Variants in SIPA1L3 observed in about 807,000 individuals in gnomAD.
SIPA1L3 encodes the protein signal-induced proliferation-associated 1-like protein 3.
A neutral mutation model predicts 150.1 loss-of-function variants in SIPA1L3; 59 were observed. The ratio of observed to expected loss-of-function variants is 0.39; its 90% CI spans 0.32 to 0.49. The LOEUF is 0.49. Among genes scored for constraint, SIPA1L3 ranks in the 20% least tolerant of loss-of-function variants. The pLI is 0.86. For missense variants in SIPA1L3, 2,211 were observed against 2,489.5 expected, an observed-to-expected ratio of 0.89 and a Z score of 2.38; for synonymous variants, 1,070 against 1,077.6, an observed-to-expected ratio of 0.99 and a Z score of 0.14.
chr19:38,085,964 C>T (rs935228047), intron 3 of SIPA1L3, among the ~76,000 whole-genome samples: 1 of 152,102 alleles, frequency 6.6e-6, no homozygotes, highest in African/African-American at 2.4e-5. Context: ...CCATCACAAT[C>T]CAGCCTGGGC....
intron 1 of SIPA1L3, among the ~76,000 whole-genome samples, chr19:37,936,711 A>G (rs1322869892): frequency 6.6e-6 from 1 of 152,232 alleles, no homozygotes; most frequent in Non-Finnish European, 1.5e-5. Flanking sequence ...TGACAAGGGC[A>G]TGGTGGAGTT....
chr19:37,936,980 G>A (rs1381497218), intron 1 of SIPA1L3, among the ~76,000 whole-genome samples: 1 of 152,086 alleles, frequency 6.6e-6, no homozygotes, highest in Non-Finnish European at 1.5e-5. Context: ...TCTTTTGAGA[G>A]TCTGGGTCTC....
intron 2 of SIPA1L3, among the ~76,000 whole-genome samples, chr19:38,048,356 T>C (rs1297151113): frequency 6.6e-6 from 1 of 152,188 alleles, no homozygotes; most frequent in Non-Finnish European, 1.5e-5. Context: ...AAGGCCTCTG[T>C]ATGCCTCTTG....
At chr19:38,163,857 G>A (rs2145983329) in intron 14 of SIPA1L3, among the ~76,000 whole-genome samples, 1 of 152,320 alleles carries the variant, frequency 6.6e-6, no homozygotes, top group Middle Eastern at 3.4e-3. Flanking sequence ...CACAGGTGGG[G>A]GTCATCATCT....
chr19:38,016,756 G>T (rs542785733), intron 1 of SIPA1L3, among the ~76,000 whole-genome samples: 1 of 151,964 alleles, frequency 6.6e-6, no homozygotes, highest in South Asian at 2.1e-4. Context: ...TCCTCCCAAA[G>T]TGCTGGGAAT....
intron 1 of SIPA1L3, among the ~76,000 whole-genome samples, chr19:37,945,226 T>A (rs1287920530): frequency 1.3e-5 from 2 of 151,888 alleles, no homozygotes; most frequent in Admixed American, 6.6e-5. Flanking sequence ...CTGTCTGTAC[T>A]CATGTCTTAG....
At chr19:37,981,159 GA>G (rs1967191975) in intron 1 of SIPA1L3, among the ~76,000 whole-genome samples, 1 of 152,170 alleles carries the variant, frequency 6.6e-6, no homozygotes, top group African/African-American at 2.4e-5. Context: ...GGGATTCTGT[GA>G]AGTGCCTTAT....
At chr19:38,165,935 G>A (rs948880299) in intron 15 of SIPA1L3, among the ~76,000 whole-genome samples, 3 of 152,020 alleles carry the variant, frequency 2.0e-5, no homozygotes, top group African/African-American at 7.2e-5. Flanking sequence ...ACTAATTTTT[G>A]TATTTTTAGT....
intron 2 of SIPA1L3, among the ~76,000 whole-genome samples, chr19:38,068,308 C>T (rs1041672104): frequency 3.2e-4 from 49 of 152,290 alleles, no homozygotes; most frequent in African/African-American, 1.1e-3. Context: ...GGATTACAGG[C>T]GTGAGCCACC....
intron 11 of SIPA1L3, 22 bp downstream of exon 11, chr19:38,141,457 C>G (rs2145940543): frequency 6.3e-7 from 1 of 1,596,002 alleles, no homozygotes; most frequent in East Asian, 2.2e-5. Flanking sequence ...CTGGGGGGAC[C>G]AATACTTCCC....
chr19:38,155,576 T>C (rs1237969155), intron 13 of SIPA1L3, among the ~76,000 whole-genome samples: 4 of 152,146 alleles, frequency 2.6e-5, no homozygotes, highest in African/African-American at 9.7e-5. Flanking sequence ...GCGAGATGGA[T>C]TCAGAAGGAA....
chr19:38,112,082 C>CGCACAT (rs1555788111), intron 8 of SIPA1L3, among the ~76,000 whole-genome samples: 11 of 146,522 alleles, frequency 7.5e-5, no homozygotes, highest in Non-Finnish European at 1.5e-4. Flanking sequence ...ACCATGCGTC[C>CGCACAT]GCACATGCAC....
At chr19:37,980,931 A>T (rs150286095) in intron 1 of SIPA1L3, among the ~76,000 whole-genome samples, 4 of 152,298 alleles carry the variant, frequency 2.6e-5, no homozygotes, top group Non-Finnish European at 5.9e-5. Context: ...CTTTCTAGTC[A>T]TGAGACACGG....
At chr19:38,147,934 T>C (rs914537730) in intron 12 of SIPA1L3, among the ~76,000 whole-genome samples, 7 of 151,946 alleles carry the variant, frequency 4.6e-5, no homozygotes, top group Non-Finnish European at 8.8e-5. Flanking sequence ...ACGTAGAACT[T>C]TGGGAGGCTG....
Position 38,119,421 on chromosome 19 carries a change from G to A in SIPA1L3, c.2407G>A (p.Ala803Thr), listed in dbSNP as rs779156648. 6 of 1,614,110 alleles carry A rather than the reference G, an allele frequency of 3.7e-6. No homozygotes were observed. The highest frequency in any genetic ancestry group is 4.2e-6 in the Non-Finnish European group (5 of 1,180,028). ...RDFLLAKVIN[A>T]ENAAHKSDKF... ...CTTCTTGCTGGCCAAGGTGATTAAC[G>A]CTGAGAACGCCGCGCACAAGTCCGA... The change falls in exon 9 of 22, where the codon GCT becomes ACT. Residue 803 changes from alanine (A) to threonine (T), a missense_variant. By Grantham distance (58) the Ala-to-Thr change is moderately conservative. Coordinates refer to ENST00000222345, the MANE Select transcript of SIPA1L3 (RefSeq NM_015073.3).
intron 8 of SIPA1L3, among the ~76,000 whole-genome samples, chr19:38,116,139 G>A (rs1215927117): frequency 6.6e-6 from 1 of 152,108 alleles, no homozygotes; most frequent in Admixed American, 6.6e-5. Flanking sequence ...CTGACAAATA[G>A]GTTTTAATCA....
At chr19:38,150,371 T>C (rs57735062) in intron 12 of SIPA1L3, among the ~76,000 whole-genome samples, 4,662 of 152,112 alleles carry the variant, frequency 0.031, 226 homozygotes, top group African/African-American at 0.11. Flanking sequence ...GTAGAGACAG[T>C]CCTGGCTTTG....
chr19:37,989,754 C>G (rs1967452482), intron 1 of SIPA1L3, among the ~76,000 whole-genome samples: 1 of 151,800 alleles, frequency 6.6e-6, no homozygotes, highest in African/African-American at 2.4e-5. Flanking sequence ...CAACCTCCGC[C>G]TCCTGGGTTC....
At chr19:38,042,052 G>A (rs1158940909) in intron 2 of SIPA1L3, among the ~76,000 whole-genome samples, 1 of 152,156 alleles carries the variant, frequency 6.6e-6, no homozygotes, top group African/African-American at 2.4e-5. Context: ...TTTTTAGTTC[G>A]ATGTAGTCCC....
Sources: allele counts gnomAD v4.1 joint callset (sites outside exome capture counted in the v4.1 genomes callset), GRCh38; gene constraint gnomAD v4.1.1; transcripts MANE v1.5; gene names NCBI Gene and HGNC (gene_info 2026-07-23, HGNC 2026-07-21).